ARHGAP11A: variants seen among roughly 807,000 people sequenced by gnomAD.
ARHGAP11A encodes rho GTPase-activating protein 11A.
In ARHGAP11A, 36 loss-of-function variants were observed where a neutral mutation model predicts 60.5. That is an observed-to-expected ratio of 0.59 (90% CI 0.46 to 0.79). The LOEUF is 0.79. Among genes scored for constraint, ARHGAP11A ranks in the 30% least tolerant of loss-of-function variants. The pLI is 0.00. For missense variants in ARHGAP11A, 1,071 were observed against 1,199.2 expected (o/e 0.89, Z 1.58); for synonymous variants, 362 against 415.5 (o/e 0.87, Z 1.57).
intron 8 of ARHGAP11A, among the ~76,000 whole-genome samples, chr15:32,631,358 C>A (rs1291217409): frequency 6.6e-6 from 1 of 151,130 alleles, no homozygotes; most frequent in African/African-American, 2.4e-5. Flanking sequence ...TGCAATGGCA[C>A]AATCTCGGCT....
At position 32,625,528 on chromosome 15, in the gene ARHGAP11A, T is replaced by C; in HGVS notation, c.757T>C (p.Leu253=). ...TATCCTGGAAAAGATACCAGCCATGTTGGGTATTGATGGTCTCTGTGCTAC... is the reference window on the plus strand; with the variant it reads ...TATCCTGGAAAAGATACCAGCCATGCTGGGTATTGATGGTCTCTGTGCTAC... ...DFILEKIPAM[L]GIDGLCATPS... The change falls in exon 6 of 12, where the codon TTG becomes CTG. Residue 253 remains leucine, a synonymous_variant. Coordinates refer to ENST00000361627, the MANE Select transcript of ARHGAP11A (RefSeq NM_014783.6). 6.2e-7 allele frequency: 1 copy of C among 1,613,930 alleles called. No homozygotes were observed. The highest frequency in any genetic ancestry group is 8.5e-7 in the Non-Finnish European group (1 of 1,179,822).
At position 32,636,769 on chromosome 15, in the gene ARHGAP11A, G is replaced by GA. The variant is rs1567060724; in HGVS notation, c.2001dup (p.Cys668MetfsTer16). ...ATATGAACACCACACTGGTAAAGGT[G>GA]AAAAATGTTTTTCAGAGAGGGACTT... On this transcript the variant is annotated frameshift_variant, in exon 12 of 12. Coordinates refer to ENST00000361627, the MANE Select transcript of ARHGAP11A (RefSeq NM_014783.6). LOFTEE classifies it low-confidence loss of function (END_TRUNC). 4 of 1,611,394 alleles carry GA rather than the reference G, an allele frequency of 2.5e-6. No individual in the cohort carries two copies. Among genetic ancestry groups the GA allele is most frequent in the Non-Finnish European group, 2.5e-6 (3 of 1,179,432 alleles).
chr15:32,629,278 T>C (rs1489729367), intron 7 of ARHGAP11A, among the ~76,000 whole-genome samples: 1 of 146,486 alleles, frequency 6.8e-6, no homozygotes, highest in Non-Finnish European at 1.5e-5. Context: ...TTTAGATTAG[T>C]TTTTGTTTCA....
chr15:32,639,109 ATC>A lies in ARHGAP11A; in HGVS notation c.*1266_*1267del, dbSNP rs1328020447. 6.5e-5 allele frequency: 10 copies of A among 152,680 alleles called. No homozygotes were observed. The highest frequency in any genetic ancestry group is 2.0e-4 in the Admixed American group (3 of 15,290). The allele number at this position is 152,680 out of a possible 1,614,324, so 9.5% of individuals were successfully genotyped here. ...GAACATGCACCAAATTGTCAAGTAA[ATC>A]TGTCTAAATTTATATTTTAAATTAT... On this transcript the variant is annotated 3_prime_UTR_variant, in exon 12 of 12. Coordinates refer to ENST00000361627, the MANE Select transcript of ARHGAP11A (RefSeq NM_014783.6).
chr15:32,628,818 A>G lies in ARHGAP11A; in HGVS notation c.937+16A>G. 6.6e-7 allele frequency: 1 copy of G among 1,504,016 alleles called. No homozygotes were observed. The highest frequency in any genetic ancestry group is 8.9e-7 in the Non-Finnish European group (1 of 1,122,762). The allele number at this position is 1,504,016 out of a possible 1,614,324, so 93.2% of individuals were successfully genotyped here. ...GAAAGAATTGGTAGGTATTTATTATATGCATTTATTTAAATTAAAATTTGT... is the reference window on the plus strand; with the variant it reads ...GAAAGAATTGGTAGGTATTTATTATGTGCATTTATTTAAATTAAAATTTGT... On this transcript the variant is annotated intron_variant, in intron 7 of 11. Coordinates refer to ENST00000361627, the MANE Select transcript of ARHGAP11A (RefSeq NM_014783.6).
chr15:32,636,121 A>T (rs2053707847), intron 11 of ARHGAP11A, 136 bp from the exon 12 acceptor site: 1 of 1,403,654 alleles, frequency 7.1e-7, no homozygotes, highest in African/African-American at 1.5e-5. Flanking sequence ...TGACATTCTT[A>T]TGTTAAAAAT....
In ARHGAP11A at chr15:32,633,967, A is replaced by G. The variant is rs143915480; in HGVS notation, c.1270A>G (p.Lys424Glu). 5.0e-5 allele frequency: 81 copies of G among 1,605,726 alleles called. No homozygotes were observed. The Middle Eastern group carries it at 5.4e-4, about 11-fold the overall frequency. Residue 424 changes from lysine (K) to glutamate (E), a missense_variant, in exon 10 of 12, where the codon AAA becomes GAA. This residue lies in a region of ARHGAP11A where 776 missense variants were observed against 760.2 expected (regional missense o/e 1.02). Transcript: ENST00000361627. Reference sequence around the variant, plus strand: ...AGGAAAAGCAGGCTGCTTTTCTCCTAAAATCAGCCATAAAGAAAAGGTTCG... The same window carrying G: ...AGGAAAAGCAGGCTGCTTTTCTCCTGAAATCAGCCATAAAGAAAAGGTTCG... ...ESGKAGCFSP[K>E]ISHKEKVRRS...
intron 1 of ARHGAP11A, among the ~76,000 whole-genome samples, chr15:32,617,908 A>G (rs917332589): frequency 3.9e-5 from 6 of 152,172 alleles, no homozygotes; most frequent in Non-Finnish European, 8.8e-5. Flanking sequence ...TTTTATATAT[A>G]TAAAGTGGGA....
intron 8 of ARHGAP11A, among the ~76,000 whole-genome samples, chr15:32,630,559 G>T (rs2053562323): frequency 6.6e-6 from 1 of 150,376 alleles, no homozygotes; most frequent in African/African-American, 2.5e-5. Context: ...AGTGATCTCT[G>T]ATTATTTTAG....
rs2053143173 is a variant in ARHGAP11A, at chr15:32,616,313, A to G, written c.102A>G (p.Arg34=). ...KGVRGQCDRR[R]HETAATEIGG... ...TCCGTGGGCAGTGCGATCGCAGGAGACATGAAACAGCAGCCACGGAAATAG... is the reference window on the plus strand; with the variant it reads ...TCCGTGGGCAGTGCGATCGCAGGAGGCATGAAACAGCAGCCACGGAAATAG... Residue 34 remains arginine, a synonymous_variant, in exon 1 of 12, where the codon AGA becomes AGG. Transcript: ENST00000361627. 6.2e-7 allele frequency: 1 copy of G among 1,613,776 alleles called. No individual in the cohort carries two copies. Among genetic ancestry groups the G allele is most frequent in the Admixed American group, 1.7e-5 (1 of 59,966 alleles).
intron 8 of ARHGAP11A, among the ~76,000 whole-genome samples, chr15:32,631,197 G>T (rs1358023834): frequency 6.6e-6 from 1 of 152,052 alleles, no homozygotes; most frequent in African/African-American, 2.4e-5. Flanking sequence ...ATTGAAAATA[G>T]ATTGATTTCT....
At position 32,625,290 on chromosome 15, in the gene ARHGAP11A, A is replaced by C. The variant is rs771205970; in HGVS notation, c.715+47A>C. 6 of 1,550,216 alleles carry C rather than the reference A, an allele frequency of 3.9e-6. No individual in the cohort carries two copies. The East Asian group carries it at 1.4e-4, about 35-fold the overall frequency. ...AACAGAATTTGTTTAAATGAGGAAA[A>C]TCTCTGTTTCTTTCAAAGGAACTAT... is the stretch of plus-strand genomic sequence containing the variant. On this transcript the variant is annotated intron_variant, in intron 5 of 11. Transcript: ENST00000361627.
Position 32,636,327 on chromosome 15 carries a change from G to T in ARHGAP11A, c.1554G>T (p.Arg518=), listed in dbSNP as rs751802895. ...TPERLVGTNY[R]MSWTGPNNSS... Reference sequence around the variant, plus strand: ...AGCGACTAGTTGGAACAAATTACCGGATGTCTTGGACAGGACCTAATAATT... The same window carrying T: ...AGCGACTAGTTGGAACAAATTACCGTATGTCTTGGACAGGACCTAATAATT... Residue 518 remains arginine (R), a synonymous_variant, in exon 12 of 12, where the codon CGG becomes CGT. Transcript: ENST00000361627. 12 of 1,613,670 alleles carry T rather than the reference G, an allele frequency of 7.4e-6. No homozygotes were observed. The South Asian group carries it at 1.2e-4, about 16-fold the overall frequency.
At chr15:32,618,761 C>G (rs1160226714) in intron 1 of ARHGAP11A, among the ~76,000 whole-genome samples, 14 of 7,746 alleles carry the variant, frequency 1.8e-3, no homozygotes, top group African/African-American at 8.2e-4. Flanking sequence ...CGGTGAAACC[C>G]CCCCCCCCCC....
chr15:32,636,497 A>C lies in ARHGAP11A; in HGVS notation c.1724A>C (p.His575Pro). 1 of 1,614,072 alleles carries C rather than the reference A, an allele frequency of 6.2e-7. No homozygotes were observed. Among genetic ancestry groups the C allele is most frequent in the Non-Finnish European group, 8.5e-7 (1 of 1,179,972 alleles). Residue 575 changes from histidine to proline, a missense_variant, in exon 12 of 12, where the codon CAT (histidine) becomes CCT (proline). His to Pro is a moderately conservative substitution (Grantham distance 77). Around this residue, in one of 4 missense-constraint regions of ARHGAP11A, gnomAD observed 776 missense variants for 760.2 expected, o/e 1.02. Transcript: ENST00000361627. The stretch of plus-strand genomic sequence containing the variant: ...ACCCCTTCCAATTTAAACAATAAGC[A>C]TAATAGCAACATAACAAGTAGCCCT... ...ELTPSNLNNK[H>P]NSNITSSPLS...
chr15:32,636,590 C>T lies in ARHGAP11A; in HGVS notation c.1817C>T (p.Ser606Phe). 6.2e-7 allele frequency: 1 copy of T among 1,614,152 alleles called. No homozygotes were observed. The highest frequency in any genetic ancestry group is 8.5e-7 in the Non-Finnish European group (1 of 1,180,000). The part of the protein sequence containing the change: ...LVKVQKAFSE[S>F]GSNLHALMNQ... ...AAAGTTCAAAAAGCGTTTTCTGAAT[C>T]TGGAAGTAATCTTCACGCATTGATG... The change falls in exon 12 of 12, where the codon TCT becomes TTT. Residue 606 changes from serine (S) to phenylalanine (F), a missense_variant. By Grantham distance (155) the Ser-to-Phe change is radical (BLOSUM62 -2). This residue lies in a region of ARHGAP11A where 776 missense variants were observed against 760.2 expected (regional missense o/e 1.02). Transcript: ENST00000361627.
At chr15:32,629,134 A>G (rs1308882880) in intron 7 of ARHGAP11A, among the ~76,000 whole-genome samples, 10 of 150,638 alleles carry the variant, frequency 6.6e-5, no homozygotes. Flanking sequence ...TCATTATTGT[A>G]TATTTCAATT....
intron 1 of ARHGAP11A, among the ~76,000 whole-genome samples, chr15:32,619,476 A>G (rs1489483019): frequency 6.6e-6 from 1 of 152,154 alleles, no homozygotes; most frequent in Non-Finnish European, 1.5e-5. Context: ...GGTTTTAAAA[A>G]TGGGTTTCCA....
At chr15:32,620,067 G>A (rs1400143899) in intron 1 of ARHGAP11A, 41 bp from the exon 2 acceptor site, 2 of 1,538,710 alleles carry the variant, frequency 1.3e-6, no homozygotes, top group South Asian at 2.5e-5. Flanking sequence ...CTGATATTAT[G>A]CCTAATATTT....
Sources: allele counts gnomAD v4.1 joint callset (sites outside exome capture counted in the v4.1 genomes callset), GRCh38; gene constraint gnomAD v4.1.1; regional missense constraint gnomAD v4.1.1; transcripts MANE v1.5; gene names NCBI Gene and HGNC (gene_info 2026-07-23, HGNC 2026-07-21).